The following CTNNA2 variants were observed in gnomAD, a reference collection of about 807,000 sequenced individuals.
CTNNA2 encodes catenin alpha 2.
Under a neutral mutation model 101.0 loss-of-function variants are expected in CTNNA2, and 42 were observed. The ratio of observed to expected loss-of-function variants is 0.42; its 90% CI spans 0.32 to 0.54. The LOEUF is 0.54. Ranked by LOEUF, CTNNA2 falls within the 20% of genes least tolerant of loss-of-function variation. The probability of loss-of-function intolerance (pLI) is 0.14; values close to 1 mark genes in which losing one functional copy is unlikely to be tolerated. For missense variants in CTNNA2, 871 were observed against 1,223.1 expected, an observed-to-expected ratio of 0.71 and a Z score of 4.29; for synonymous variants, 450 against 456.4, an observed-to-expected ratio of 0.99 and a Z score of 0.18.
chr2:80,581,638 A>G (rs1296828617), intron 13 of CTNNA2, 68 bp from the exon 14 acceptor site: 2 of 977,114 alleles, frequency 2.0e-6, no homozygotes, highest in Non-Finnish European at 3.3e-6. Context: ...AGCCTTTGCA[A>G]TGAAGTGTGT....
At chr2:80,255,762 T>G (rs960406136) in intron 7 of CTNNA2, among the ~76,000 whole-genome samples, 2 of 152,160 alleles carry the variant, frequency 1.3e-5, no homozygotes, top group African/African-American at 2.4e-5. Context: ...ACAGATTTGT[T>G]TAGCTGAAAT....
chr2:79,858,603 TTGAATATATTTTGCTA>T (rs1490877583), intron 4 of CTNNA2, among the ~76,000 whole-genome samples: 1 of 152,222 alleles, frequency 6.6e-6, no homozygotes, highest in African/African-American at 2.4e-5. Context: ...GGATTACATG[TTGAATATATTTTGCTA>T]TCTACTCTAG....
At chr2:79,509,594 G>A (rs1487747237), upstream of CTNNA2, among the ~76,000 whole-genome samples, 1 of 152,134 alleles carries the variant, frequency 6.6e-6, no homozygotes, top group Non-Finnish European at 1.5e-5. Flanking sequence ...GGTTTCCAGG[G>A]GTTAGGAGCA....
intron 2 of CTNNA2, among the ~76,000 whole-genome samples, chr2:79,266,083 C>T (rs1253035792): frequency 6.6e-6 from 1 of 152,042 alleles, no homozygotes; most frequent in Non-Finnish European, 1.5e-5. Flanking sequence ...TAAAAGTTAC[C>T]AACTGTACCT....
chr2:80,289,970 G>A (rs1675097643), intron 7 of CTNNA2, among the ~76,000 whole-genome samples: 2 of 152,144 alleles, frequency 1.3e-5, no homozygotes, highest in African/African-American at 2.4e-5. Flanking sequence ...AAAAGTCACT[G>A]TGTGTGAGGG....
intron 2 of CTNNA2, among the ~76,000 whole-genome samples, chr2:79,685,565 A>G (rs1683875800): frequency 6.6e-6 from 1 of 152,164 alleles, no homozygotes; most frequent in African/African-American, 2.4e-5. Context: ...CATCAAGAAT[A>G]TGTACACGGA....
intron 9 of CTNNA2, among the ~76,000 whole-genome samples, chr2:80,446,516 G>T (rs1267369170): frequency 6.6e-6 from 1 of 152,130 alleles, no homozygotes. Context: ...AACATCGCAT[G>T]AATTCCTTGT....
intron 7 of CTNNA2, among the ~76,000 whole-genome samples, chr2:80,104,025 T>C (rs930459587): frequency 2.0e-5 from 3 of 152,238 alleles, no homozygotes; most frequent in Non-Finnish European, 2.9e-5. Context: ...TGATCTCTCA[T>C]AACTGTTAAT....
At chr2:79,855,351 G>A (rs766911101) in intron 3 of CTNNA2, among the ~76,000 whole-genome samples, 3 of 152,098 alleles carry the variant, frequency 2.0e-5, no homozygotes, top group African/African-American at 4.8e-5. Context: ...GTCACCCATC[G>A]GCTTTGAAGC....
At chr2:80,273,079 C>A (rs1051102698) in intron 7 of CTNNA2, among the ~76,000 whole-genome samples, 2 of 152,162 alleles carry the variant, frequency 1.3e-5, no homozygotes, top group Non-Finnish European at 2.9e-5. Flanking sequence ...CCTGTACTCA[C>A]ACGCCTGGCA....
At chr2:79,831,900 T>G (rs906074087) in intron 3 of CTNNA2, among the ~76,000 whole-genome samples, 1 of 152,200 alleles carries the variant, frequency 6.6e-6, no homozygotes, top group Non-Finnish European at 1.5e-5. Context: ...AGATGATGAA[T>G]AATTTCTGCA....
At chr2:80,553,240 T>A (rs1020177444) in intron 11 of CTNNA2, among the ~76,000 whole-genome samples, 109 of 144,978 alleles carry the variant, frequency 7.5e-4, no homozygotes, top group African/African-American at 2.0e-3. Context: ...AAAAATAAAA[T>A]AAAATAAAAT....
intron 2 of CTNNA2, among the ~76,000 whole-genome samples, chr2:79,286,231 A>T (rs1675574826): frequency 1.3e-5 from 2 of 152,130 alleles, no homozygotes; most frequent in African/African-American, 4.8e-5. Flanking sequence ...GTGTCTTTTA[A>T]TTGGAGCATT....
intron 7 of CTNNA2, among the ~76,000 whole-genome samples, chr2:80,055,307 G>A (rs1243074606): frequency 6.6e-6 from 1 of 152,046 alleles, no homozygotes; most frequent in African/African-American, 2.4e-5. Context: ...GGGATTACAG[G>A]CACTTTTGAC....
At chr2:79,407,132 A>G (rs781491956) in intron 4 of CTNNA2, among the ~76,000 whole-genome samples, 9 of 152,070 alleles carry the variant, frequency 5.9e-5, no homozygotes, top group Non-Finnish European at 1.2e-4. Flanking sequence ...AGGATGGTCA[A>G]GTTTGTAAAA....
Position 79,187,270 on chromosome 2 carries a change from C to CTTTTTTTTTTTTTTTTTTT in CTNNA2, c.-524+1856_-524+1857insTTTTTTTTTTTTTTTTTTT, listed in dbSNP as rs781414965. Among the ~76,000 whole-genome samples the CTTTTTTTTTTTTTTTTTTT allele has an allele frequency of 4.6e-4, 30 of 65,442 alleles. 3 individuals carry two copies. Among genetic ancestry groups the CTTTTTTTTTTTTTTTTTTT allele is most frequent in the African/African-American group, 7.2e-4 (10 of 13,956 alleles). The allele number at this position is 65,442 out of a possible 152,430, so 42.9% of individuals were successfully genotyped here. A position where few individuals can be genotyped will look rare whatever the true frequency, so the allele number is the denominator to read the frequency against. On this transcript the variant is annotated intron_variant, in intron 1 of 21. Transcript: ENST00000466387. ...CTTTTCTTTTCTTTTCTTTTCTTTT[C>CTTTTTTTTTTTTTTTTTTT]TTTTTTTTTTTTTTTTTGAGACAGA...
At chr2:79,265,982 C>G (rs2104292693) in intron 2 of CTNNA2, among the ~76,000 whole-genome samples, 1 of 152,190 alleles carries the variant, frequency 6.6e-6, no homozygotes, top group African/African-American at 2.4e-5. Flanking sequence ...TTTTTGATAG[C>G]CTGCAGGATT....
intron 7 of CTNNA2, among the ~76,000 whole-genome samples, chr2:80,235,478 CT>C (rs2149082417): frequency 6.6e-6 from 1 of 152,316 alleles, no homozygotes; most frequent in Non-Finnish European, 1.5e-5. Flanking sequence ...GGCACAGATA[CT>C]GACTGAGGAA....
At chr2:80,624,415 A>G (rs982890264) in intron 18 of CTNNA2, among the ~76,000 whole-genome samples, 11 of 151,980 alleles carry the variant, frequency 7.2e-5, no homozygotes, top group Admixed American at 5.9e-4. Flanking sequence ...TTTTTCGTGA[A>G]CAACAGCTGT....
Sources: allele counts gnomAD v4.1 joint callset (sites outside exome capture counted in the v4.1 genomes callset), GRCh38; gene constraint gnomAD v4.1.1; transcripts MANE v1.5; gene names NCBI Gene and HGNC (gene_info 2026-07-23, HGNC 2026-07-21).